The following FMN2 variants were observed in gnomAD, a reference collection of about 807,000 sequenced individuals.
FMN2 encodes formin 2, also known as formin-2.
FMN2 carries 51 observed loss-of-function variants against 142.3 expected under a neutral mutation model. The observed-to-expected ratio is 0.36, with a 90% CI of 0.29 to 0.45. FMN2 has a LOEUF of 0.45. FMN2 is among the 20% of genes least tolerant of loss of function. FMN2 has a pLI of 1.00. For missense variants in FMN2, 1,936 were observed against 2,122.8 expected, an observed-to-expected ratio of 0.91 and a Z score of 1.73; for synonymous variants, 882 against 869.8, an observed-to-expected ratio of 1.01 and a Z score of -0.25.
chr1:240,297,571 G>A (rs573441592), intron 8 of FMN2, among the ~76,000 whole-genome samples: 9 of 139,548 alleles, frequency 6.4e-5, no homozygotes, highest in South Asian at 2.3e-4. Context: ...ACTCCAGCCT[G>A]GTGACAGAGT....
At chr1:240,169,049 A>G (rs1467696129) in intron 2 of FMN2, among the ~76,000 whole-genome samples, 1 of 152,180 alleles carries the variant, frequency 6.6e-6, no homozygotes, top group Non-Finnish European at 1.5e-5. Context: ...CGTCTTTACT[A>G]AAAATACAAA....
intron 4 of FMN2, among the ~76,000 whole-genome samples, chr1:240,205,252 T>C (rs2103380974): frequency 6.6e-6 from 1 of 152,218 alleles, no homozygotes; most frequent in East Asian, 1.9e-4. Context: ...ATCCTCTCTT[T>C]CCCTTTTATT....
chr1:240,337,027 G>T (rs12742760), intron 13 of FMN2, among the ~76,000 whole-genome samples: 1 of 151,806 alleles, frequency 6.6e-6, no homozygotes, highest in Non-Finnish European at 1.5e-5. Context: ...TATCAACAAC[G>T]CATGAAATCT....
chr1:240,199,445 C>CT (rs1215333037), intron 4 of FMN2, among the ~76,000 whole-genome samples: 2 of 152,128 alleles, frequency 1.3e-5, no homozygotes, highest in Admixed American at 1.3e-4. Context: ...ATCTTGGCTT[C>CT]TTTTTTGACA....
intron 2 of FMN2, among the ~76,000 whole-genome samples, chr1:240,138,020 A>G (rs988130357): frequency 1.8e-4 from 27 of 148,770 alleles, no homozygotes; most frequent in African/African-American, 6.7e-4. Flanking sequence ...AGCTGAGATC[A>G]CACCACTGCA....
intron 7 of FMN2, among the ~76,000 whole-genome samples, chr1:240,266,227 C>A (rs1668799050): frequency 6.6e-6 from 1 of 151,786 alleles, no homozygotes; most frequent in African/African-American, 2.4e-5. Flanking sequence ...TTGTTGCCAT[C>A]TTTATGTCCA....
At chr1:240,138,525 C>G (rs1377625644) in intron 2 of FMN2, among the ~76,000 whole-genome samples, 1 of 151,452 alleles carries the variant, frequency 6.6e-6, no homozygotes, top group Non-Finnish European at 1.5e-5. Context: ...ATTGGTGAAA[C>G]CTCATCTCTA....
intron 7 of FMN2, chr1:240,285,243 C>T (rs1443991921): frequency 4.4e-6 from 2 of 455,212 alleles, no homozygotes; most frequent in Admixed American, 2.4e-5. Context: ...GTGAAGCCAA[C>T]ACGATTCATG....
At chr1:240,411,027 G>A (rs1255312023) in intron 15 of FMN2, among the ~76,000 whole-genome samples, 1 of 151,360 alleles carries the variant, frequency 6.6e-6, no homozygotes, top group East Asian at 2.0e-4. Context: ...TATGATAATG[G>A]TTGATGTAAT....
chr1:240,217,629 A>C (rs1666953791), intron 6 of FMN2, among the ~76,000 whole-genome samples: 1 of 152,126 alleles, frequency 6.6e-6, no homozygotes, highest in Non-Finnish European at 1.5e-5. Flanking sequence ...GGTTTTGTGG[A>C]ATCTGGATTT....
chr1:240,413,089 C>T (rs9726549), intron 15 of FMN2, among the ~76,000 whole-genome samples: 8,866 of 119,500 alleles, frequency 0.074, 1,119 homozygotes, highest in African/African-American at 0.26. Context: ...TGCCACTGCA[C>T]TCCAGCCTGG....
chr1:240,328,090 G>C (rs1671233788), intron 8 of FMN2, among the ~76,000 whole-genome samples: 1 of 134,968 alleles, frequency 7.4e-6, no homozygotes, highest in Non-Finnish European at 1.5e-5. Context: ...GCAGGTTGTA[G>C]TGAGCAGATG....
chr1:240,324,586 G>A (rs1421127972), intron 8 of FMN2, among the ~76,000 whole-genome samples: 1 of 151,794 alleles, frequency 6.6e-6, no homozygotes, highest in Admixed American at 6.6e-5. Flanking sequence ...GCTTAAACCT[G>A]GGAGGCAGAG....
intron 15 of FMN2, among the ~76,000 whole-genome samples, chr1:240,393,258 C>T (rs1421799460): frequency 1.3e-5 from 2 of 151,986 alleles, no homozygotes; most frequent in East Asian, 3.9e-4. Context: ...CATGTGCACA[C>T]CTCATGTCTC....
At chr1:240,143,851 C>G in intron 2 of FMN2, 2 of 1,583,856 alleles carry the variant, frequency 1.3e-6, no homozygotes, top group South Asian at 2.2e-5. Flanking sequence ...CCATGCTGGA[C>G]TTTGAATCTC....
chr1:240,387,485 G>T (rs897338274), intron 14 of FMN2, among the ~76,000 whole-genome samples: 2 of 152,146 alleles, frequency 1.3e-5, no homozygotes, highest in African/African-American at 4.8e-5. Context: ...GTGGGGAGGG[G>T]ACTAAGGAGC....
In FMN2 at chr1:240,355,839, G is replaced by T. The variant is rs758617021; in HGVS notation, c.4789G>T (p.Val1597Leu). ...LKACEVEAGK[V>L]YQVSSKEHMQ... ...AGCCTGTGAAGTTGAAGCAGGGAAA[G>T]TATACCAGGTCTCCTCAAAAGAGCA... Residue 1597 changes from valine (V) to leucine (L), a missense_variant, in exon 14 of 18, where the codon GTA becomes TTA. Physicochemically the swap from Val to Leu is conservative, Grantham distance 32. Transcript: ENST00000319653. 6.2e-7 allele frequency: 1 copy of T among 1,610,130 alleles called. No individual in the cohort carries two copies. Among genetic ancestry groups the T allele is most frequent in the Non-Finnish European group, 8.5e-7 (1 of 1,177,718 alleles).
In FMN2 at chr1:240,474,594, G is replaced by T. The variant is rs1207365516; in HGVS notation, c.*440G>T. On this transcript the variant is annotated 3_prime_UTR_variant, in exon 18 of 18. Coordinates refer to ENST00000319653, the MANE Select transcript of FMN2 (RefSeq NM_020066.5). ...AAATGTTATTTCTAGTGAATTGTTT[G>T]TATCAGTTTCATGTCTAAGTATAAA... is the stretch of plus-strand genomic sequence containing the variant. 6.5e-6 allele frequency: 1 copy of T among 154,188 alleles called. No individual in the cohort carries two copies. The highest frequency in any genetic ancestry group is 6.5e-5 in the Admixed American group (1 of 15,342). 9.6% of individuals were successfully genotyped at this position (154,188 alleles called of 1,614,324 possible).
chr1:240,252,490 G>A (rs544167372), intron 6 of FMN2, among the ~76,000 whole-genome samples: 1 of 151,086 alleles, frequency 6.6e-6, no homozygotes, highest in Non-Finnish European at 1.5e-5. Context: ...AGGAAAGACT[G>A]TATTTCTCCA....
Sources: gnomAD v4.1 joint callset for allele counts (sites outside exome capture counted in the v4.1 genomes callset) on GRCh38, gnomAD v4.1.1 for gene constraint, MANE v1.5 for transcripts, NCBI Gene and HGNC (gene_info 2026-07-23, HGNC 2026-07-21) for gene names.